Variants in TFB1M observed in about 807,000 individuals in gnomAD.
The protein encoded by TFB1M is transcription factor B1, mitochondrial, also known as dimethyladenosine transferase 1, mitochondrial.
In TFB1M, 27 loss-of-function variants were observed where a neutral mutation model predicts 31.1. That is an observed-to-expected ratio of 0.87 (90% CI 0.64 to 1.20). TFB1M has a LOEUF of 1.20. Ranked by LOEUF, TFB1M falls within the 50% of genes most tolerant of loss-of-function variation. The probability of loss-of-function intolerance (pLI) is 0.00; values close to 1 mark genes in which losing one functional copy is unlikely to be tolerated. For missense variants in TFB1M, 394 were observed against 418.7 expected (o/e 0.94, Z 0.51); for synonymous variants, 166 against 151.8 (o/e 1.09, Z -0.69).
In TFB1M at chr6:155,314,038, C is replaced by T. The variant is rs936328295; in HGVS notation, c.133+258G>A. ...TCACGACCCATGAACCCTTCCTCCCCTAGGGAGCTTGGCATTTATGCAGCC... is the reference window on the plus strand; with the variant it reads ...TCACGACCCATGAACCCTTCCTCCCTTAGGGAGCTTGGCATTTATGCAGCC... On this transcript the variant is annotated intron_variant, in intron 1 of 6. Transcript: ENST00000367166. 2.3e-6 allele frequency: 3 copies of T among 1,327,814 alleles called. No homozygotes were observed. In the African/African-American group the frequency reaches 4.4e-5, roughly 20 times the overall value. The allele number at this position is 1,327,814 out of a possible 1,614,324, so 82.3% of individuals were successfully genotyped here.
the TFB1M span, chr6:155,244,008 C>T: frequency 1.2e-6 from 2 of 1,613,926 alleles, no homozygotes; most frequent in East Asian, 4.5e-5. Flanking sequence ...TATTTTCTTT[C>T]AGGATTTGAG....
chr6:155,249,949 C>A, the TFB1M span: 2 of 1,613,218 alleles, frequency 1.2e-6, no homozygotes, highest in Admixed American at 3.3e-5. Context: ...AGTAGCTGAG[C>A]AGAGCGGAAC....
intron 4 of TFB1M, among the ~76,000 whole-genome samples, chr6:155,293,981 C>T (rs1777048399): frequency 6.6e-6 from 1 of 152,096 alleles, no homozygotes; most frequent in African/African-American, 2.4e-5. Flanking sequence ...TCTCTCTGTC[C>T]TGTAGGGAGC....
chr6:155,253,003 G>T (rs374216272), downstream of TFB1M: 7 of 1,613,990 alleles, frequency 4.3e-6, no homozygotes, highest in Non-Finnish European at 5.9e-6. Flanking sequence ...TTTAAATTCC[G>T]CTGGTTGATC....
At chr6:155,299,049 CTT>C (rs1403156071) in intron 2 of TFB1M, among the ~76,000 whole-genome samples, 1 of 152,094 alleles carries the variant, frequency 6.6e-6, no homozygotes, top group East Asian at 1.9e-4. Context: ...AGATCTTTAA[CTT>C]AATATATGCG....
intron 2 of TFB1M, chr6:155,303,523 C>T (rs1468709347): frequency 1.3e-5 from 2 of 152,154 alleles, no homozygotes; most frequent in Non-Finnish European, 2.9e-5. Context: ...TTTTTGCTTA[C>T]TTGTTGAGTT....
chr6:155,296,426 ATTTTTTTTTTT>A (rs71023639), intron 4 of TFB1M, among the ~76,000 whole-genome samples: 6 of 103,456 alleles, frequency 5.8e-5, no homozygotes, highest in African/African-American at 8.0e-5. Flanking sequence ...CACCCAGCTA[ATTTTTTTTTTT>A]TTTTTTTTTT....
chr6:155,285,099 T>A, intron 5 of TFB1M, 59 bp downstream of exon 5: 1 of 1,603,474 alleles, frequency 6.2e-7, no homozygotes, highest in Non-Finnish European at 8.5e-7. Flanking sequence ...CTATGACACA[T>A]CCTCAGGGGA....
intron 2 of TFB1M, among the ~76,000 whole-genome samples, chr6:155,310,530 TAC>T (rs1296415631): frequency 1.3e-5 from 2 of 152,226 alleles, no homozygotes; most frequent in African/African-American, 4.8e-5. Context: ...TGCTGCTATA[TAC>T]ACTCTTACCC....
intron 1 of TFB1M, 94 bp downstream of exon 1, chr6:155,314,202 C>T: frequency 1.9e-6 from 3 of 1,570,180 alleles, no homozygotes; most frequent in Non-Finnish European, 2.6e-6. Context: ...ACGCCAGTGC[C>T]TGGACACCCG....
At chr6:155,263,623 C>T (rs1248165511) in intron 5 of TFB1M, among the ~76,000 whole-genome samples, 1 of 151,962 alleles carries the variant, frequency 6.6e-6, no homozygotes, top group East Asian at 1.9e-4. Context: ...ACAAGGGACC[C>T]GGGCTAAGGA....
chr6:155,314,101 T>A, intron 1 of TFB1M, 195 bp downstream of exon 1: 1 of 1,462,466 alleles, frequency 6.8e-7, no homozygotes, highest in Non-Finnish European at 9.0e-7. Context: ...CGGAGTTTTG[T>A]GAGCAATCAA....
the TFB1M span, among the ~76,000 whole-genome samples, chr6:155,245,295 T>G: frequency 6.6e-6 from 1 of 152,236 alleles, no homozygotes; most frequent in African/African-American, 2.4e-5. Flanking sequence ...CCCCAAGCAA[T>G]GCAGAGTCGG....
chr6:155,253,028 T>G (rs769241055), downstream of TFB1M: 4 of 1,614,068 alleles, frequency 2.5e-6, no homozygotes, highest in Non-Finnish European at 3.4e-6. Flanking sequence ...TCTCCGCGCT[T>G]CAAGTCAGAC....
At position 155,257,096 on chromosome 6, in the gene TFB1M, A is replaced by C; in HGVS notation, c.*740T>G. On this transcript the variant is annotated 3_prime_UTR_variant, in exon 7 of 7. Transcript: ENST00000367166. ...GTTGTCAGTGAGGAGTGTTTTTATG[A>C]AACAGAGAGCCACGGAAAATCATAG... 6.2e-7 allele frequency: 1 copy of C among 1,613,936 alleles called. No homozygotes were observed.
At position 155,257,782 on chromosome 6, in the gene TFB1M, A is replaced by C. The variant is rs1425861146; in HGVS notation, c.*54T>G. ...AAGACAAAAGAGTACCTATATAAGAAGCTCCACGTAGTGCAAATCGACATC... is the reference window on the plus strand; with the variant it reads ...AAGACAAAAGAGTACCTATATAAGACGCTCCACGTAGTGCAAATCGACATC... On this transcript the variant is annotated 3_prime_UTR_variant, in exon 7 of 7. Coordinates refer to ENST00000367166, the MANE Select transcript of TFB1M (RefSeq NM_016020.4). 6.2e-7 allele frequency: 1 copy of C among 1,606,840 alleles called. No individual in the cohort carries two copies.
rs572705522 is a variant in TFB1M, at chr6:155,305,659, TTA to T, written c.285+5527_285+5528del. Among the ~76,000 whole-genome samples the T allele has an allele frequency of 8.1e-4, 40 of 49,616 alleles. 1 individual carries two copies. The highest frequency in any genetic ancestry group is 2.0e-3 in the South Asian group (3 of 1,514). 32.6% of individuals were successfully genotyped at this position (49,616 alleles called of 152,430 possible). A position where few individuals can be genotyped will look rare whatever the true frequency, so the allele number is the denominator to read the frequency against. On this transcript the variant is annotated intron_variant, in intron 2 of 6. Coordinates refer to ENST00000367166, the MANE Select transcript of TFB1M (RefSeq NM_016020.4). ...TATAAATATATATTAAATTATATAT[TTA>T]TATATATAAATATATATTAAATTAT...
At chr6:155,231,750 GTCCAGATGTGCAGGA>G in the TFB1M span, among the ~76,000 whole-genome samples, 1 of 152,264 alleles carries the variant, frequency 6.6e-6, no homozygotes, top group Non-Finnish European at 1.5e-5. Flanking sequence ...CCACTGTGCA[GTCCAGATGTGCAGGA>G]TCCACCTCCA....
At chr6:155,251,061 CT>C in the TFB1M span, 1 of 1,576,744 alleles carries the variant, frequency 6.3e-7, no homozygotes. Context: ...TGAACAGAGG[CT>C]GGGATTACGG....
Sources: allele counts gnomAD v4.1 joint callset (sites outside exome capture counted in the v4.1 genomes callset), GRCh38; gene constraint gnomAD v4.1.1; transcripts MANE v1.5; gene names NCBI Gene and HGNC (gene_info 2026-07-23, HGNC 2026-07-21).